Variants in ZNF268 observed in about 807,000 individuals in gnomAD.
ZNF268 encodes zinc finger protein 268, also known as zinc finger protein 3.
ZNF268 carries 20 observed loss-of-function variants against 29.3 expected under a neutral mutation model. That is an observed-to-expected ratio of 0.68 (90% CI 0.48 to 0.99). The LOEUF (loss-of-function observed/expected upper bound fraction) is 0.99. Among genes scored for constraint, ZNF268 ranks in the 50% least tolerant of loss-of-function variants. ZNF268 has a pLI of 0.00. For missense variants in ZNF268, 1,240 were observed against 1,121.6 expected (o/e 1.11, Z -1.51); for synonymous variants, 429 against 376.9 (o/e 1.14, Z -1.60).
chr12:133,192,342 A>C (rs1235513324), intron 5 of ZNF268, among the ~76,000 whole-genome samples: 1 of 151,998 alleles, frequency 6.6e-6, no homozygotes, highest in Non-Finnish European at 1.5e-5. Context: ...TCCTGACCTC[A>C]GGTGATCCGC....
chr12:133,205,172 AACC>A lies in ZNF268; in HGVS notation c.*644_*646del, dbSNP rs1393626418. The A allele has an allele frequency of 3.8e-4, 51 of 133,578 alleles. 2 individuals are homozygous for A. The highest frequency in any genetic ancestry group is 3.3e-3 in the Middle Eastern group (1 of 304). The allele number at this position is 133,578 out of a possible 1,614,324, so 8.3% of individuals were successfully genotyped here. A position where few individuals can be genotyped will look rare whatever the true frequency, so the allele number is the denominator to read the frequency against. On this transcript the variant is annotated 3_prime_UTR_variant, in exon 6 of 6. Coordinates refer to ENST00000536435, the MANE Select transcript of ZNF268 (RefSeq NM_003415.3). ...AAAAAAAAAAAAAAAAAAAAAAAAA[AACC>A]AACCTGTTATTATATCTTAATATTA...
intron 5 of ZNF268, chr12:133,193,676 A>G: frequency 2.2e-6 from 1 of 447,300 alleles, no homozygotes; most frequent in Non-Finnish European, 4.0e-6. Flanking sequence ...AAGTTTCAAC[A>G]TGAGTTTTAG....
Position 133,205,174 on chromosome 12 carries a change from C to CAA in ZNF268, c.*644_*645insAA, listed in dbSNP as rs1491216644. The CAA allele has an allele frequency of 4.1e-4, 15 of 36,242 alleles. 1 individual carries two copies. Among genetic ancestry groups the CAA allele is most frequent in the Non-Finnish European group, 6.2e-4 (9 of 14,574 alleles). The allele number at this position is 36,242 out of a possible 1,614,324, so 2.2% of individuals were successfully genotyped here. A position where few individuals can be genotyped will look rare whatever the true frequency, so the allele number is the denominator to read the frequency against. The stretch of plus-strand genomic sequence containing the variant: ...AAAAAAAAAAAAAAAAAAAAAAAAA[C>CAA]CAACCTGTTATTATATCTTAATATT... On this transcript the variant is annotated 3_prime_UTR_variant, in exon 6 of 6. Transcript: ENST00000536435.
At chr12:133,199,858 A>G (rs1956707703) in intron 5 of ZNF268, among the ~76,000 whole-genome samples, 1 of 152,088 alleles carries the variant, frequency 6.6e-6, no homozygotes, top group African/African-American at 2.4e-5. Context: ...GGTAGTTTGT[A>G]TTTCTGTGGG....
chr12:133,210,369 G>A lies in ZNF268; in HGVS notation c.*5839G>A, dbSNP rs1168668876. On this transcript the variant is annotated 3_prime_UTR_variant, in exon 6 of 6. Transcript: ENST00000536435. ...GCATCCCCCACCACGGGTCAGTCCT[G>A]AGGAGGATACTCTGGTCATCACTGT... is the stretch of plus-strand genomic sequence containing the variant. 8.4e-5 allele frequency: 15 copies of A among 178,438 alleles called. No individual in the cohort carries two copies. The allele number at this position is 178,438 out of a possible 1,614,324, so 11.1% of individuals were successfully genotyped here. A position where few individuals can be genotyped will look rare whatever the true frequency, so the allele number is the denominator to read the frequency against.
At position 133,203,407 on chromosome 12, in the gene ZNF268, AC is replaced by A. The variant is rs758354570; in HGVS notation, c.1723del (p.Gln575ArgfsTer21). On this transcript the variant is annotated frameshift_variant, in exon 6 of 6. Transcript: ENST00000536435. LOFTEE classifies it low-confidence loss of function (END_TRUNC). ...AFSRKYQLIS[H>X]QRTHAGEKPY... The stretch of plus-strand genomic sequence containing the variant: ...AGTCGGAAATACCAGCTTATTTCAC[AC>A]CAGAGAACTCATGCAGGAGAGAAGC... The A allele has an allele frequency of 3.2e-6, 5 of 1,545,338 alleles. No homozygotes were observed. Among genetic ancestry groups the A allele is most frequent in the Non-Finnish European group, 4.3e-6 (5 of 1,149,948 alleles).
chr12:133,192,303 T>C (rs1956496388), intron 5 of ZNF268, among the ~76,000 whole-genome samples: 1 of 152,044 alleles, frequency 6.6e-6, no homozygotes, highest in Non-Finnish European at 1.5e-5. Flanking sequence ...AGATGGGGTT[T>C]TGCCGTGTTG....
Position 133,210,732 on chromosome 12 carries a change from G to A in ZNF268, c.*6202G>A, listed in dbSNP as rs751750768. On this transcript the variant is annotated 3_prime_UTR_variant, in exon 6 of 6. Transcript: ENST00000536435. ...AGGGTCCCCAGGTCAGTCCTGAGGA[G>A]AAGGCAGCTCAGTCTTTACTGTGAT... 9.3e-6 allele frequency: 4 copies of A among 430,964 alleles called. No individual in the cohort carries two copies. Among genetic ancestry groups the A allele is most frequent in the South Asian group, 6.5e-5 (4 of 61,434 alleles). The allele number at this position is 430,964 out of a possible 1,614,324, so 26.7% of individuals were successfully genotyped here.
Position 133,203,491 on chromosome 12 carries a change from A to G in ZNF268, c.1805A>G (p.His602Arg). The change falls in exon 6 of 6, where the codon CAC becomes CGC. Residue 602 changes from histidine to arginine, a missense_variant. Around this residue, in one of 3 missense-constraint regions of ZNF268, gnomAD observed 1,177 missense variants for 1,039.6 expected, o/e 1.13. Transcript: ENST00000536435. Reference sequence around the variant, plus strand: ...GGTTTAAAGTCACAGCTTATTATACACCAGAGAACTCATACAGGGGAGAAA... The same window carrying G: ...GGTTTAAAGTCACAGCTTATTATACGCCAGAGAACTCATACAGGGGAGAAA... The part of the protein sequence containing the change: ...AFGLKSQLII[H>R]QRTHTGEKPF... 1 of 1,543,456 alleles carries G rather than the reference A, an allele frequency of 6.5e-7. No individual in the cohort carries two copies. The highest frequency in any genetic ancestry group is 2.0e-5 in the Admixed American group (1 of 51,088).
chr12:133,193,650 C>T, intron 5 of ZNF268: 2 of 455,820 alleles, frequency 4.4e-6, no homozygotes, highest in Non-Finnish European at 7.9e-6. Context: ...CTCTTAATAC[C>T]ACCACAATGG....
Position 133,210,789 on chromosome 12 carries a change from G to C in ZNF268, c.*6259G>C, listed in dbSNP as rs2135536357. The C allele has an allele frequency of 2.2e-6, 1 of 455,294 alleles. No homozygotes were observed. The highest frequency in any genetic ancestry group is 4.4e-6 in the Non-Finnish European group (1 of 226,212). The allele number at this position is 455,294 out of a possible 1,614,324, so 28.2% of individuals were successfully genotyped here. A position where few individuals can be genotyped will look rare whatever the true frequency, so the allele number is the denominator to read the frequency against. ...TCTAGTGATCCCCAGGTCCTGAGTA[G>C]AAGGAAGGCCTGGTCCTCTGTGGAT... On this transcript the variant is annotated 3_prime_UTR_variant, in exon 6 of 6. Coordinates refer to ENST00000536435, the MANE Select transcript of ZNF268 (RefSeq NM_003415.3).
At position 133,211,586 on chromosome 12, in the gene ZNF268, CAA is replaced by C. The variant is rs369341864; in HGVS notation, c.*7069_*7070del. 4.1e-4 allele frequency: 48 copies of C among 116,946 alleles called. No homozygotes were observed. Among genetic ancestry groups the C allele is most frequent in the South Asian group, 8.3e-4 (3 of 3,610 alleles). The allele number at this position is 116,946 out of a possible 1,614,324, so 7.2% of individuals were successfully genotyped here. Reference sequence around the variant, plus strand: ...GGGCAACAAGAGTGAAACTCCGTCTCAAAAAAAAAAAAAAGAAGATATACAGA... The same window carrying C: ...GGGCAACAAGAGTGAAACTCCGTCTCAAAAAAAAAAAAGAAGATATACAGA... On this transcript the variant is annotated 3_prime_UTR_variant, in exon 6 of 6. Coordinates refer to ENST00000536435, the MANE Select transcript of ZNF268 (RefSeq NM_003415.3).
rs36127550 is a variant in ZNF268, at chr12:133,203,723, G to T, written c.2037G>T (p.Leu679Phe). Residue 679 changes from leucine to phenylalanine, a missense_variant, in exon 6 of 6, where the codon TTG becomes TTT. Around this residue, in one of 3 missense-constraint regions of ZNF268, gnomAD observed 1,177 missense variants for 1,039.6 expected, o/e 1.13. Transcript: ENST00000536435. ...GCSQCAKTFSLKSQLIVHQRS... is the reference protein window; with the variant it reads ...GCSQCAKTFSFKSQLIVHQRS... ...GTCAATGTGCAAAAACCTTTAGTTT[G>T]AAGTCCCAGCTCATTGTACATCAGA... The T allele has an allele frequency of 0.17, 265,590 of 1,548,950 alleles. 23,747 individuals are homozygous for T. The highest frequency in any genetic ancestry group is 0.22 in the Admixed American group (11,352 of 51,608).
intron 5 of ZNF268, 85 bp downstream of exon 5, chr12:133,192,088 C>T (rs542076749): frequency 8.7e-5 from 101 of 1,156,578 alleles, no homozygotes; most frequent in Middle Eastern, 6.2e-4. Flanking sequence ...TTGTACTTTG[C>T]CTCGTGTATT....
chr12:133,187,393 C>T (rs540155420), intron 2 of ZNF268, among the ~76,000 whole-genome samples: 9 of 151,912 alleles, frequency 5.9e-5, no homozygotes, highest in African/African-American at 1.9e-4. Context: ...TTCAAAGTTT[C>T]GTTTTTCTGA....
chr12:133,187,967 A>T lies in ZNF268; in HGVS notation c.129A>T (p.Gln43His), dbSNP rs368431643. Reference protein sequence around the residue: ...SILGQGTPGLQPLPGTPRQKQ... With the variant: ...SILGQGTPGLHPLPGTPRQKQ... ...TGGGCCAAGGGACTCCTGGTCTGCAACCTCTCCCTGGAACACCCAGGCAGA... is the reference window on the plus strand; with the variant it reads ...TGGGCCAAGGGACTCCTGGTCTGCATCCTCTCCCTGGAACACCCAGGCAGA... The change falls in exon 3 of 6, where the codon CAA becomes CAT. Residue 43 changes from glutamine to histidine, a missense_variant. By Grantham distance (24) the Gln-to-His change is conservative (BLOSUM62 0). Coordinates refer to ENST00000536435, the MANE Select transcript of ZNF268 (RefSeq NM_003415.3). 1 of 1,599,394 alleles carries T rather than the reference A, an allele frequency of 6.3e-7. No homozygotes were observed. Among genetic ancestry groups the T allele is most frequent in the South Asian group, 1.1e-5 (1 of 88,226 alleles).
At chr12:133,183,661 G>T (rs1956232188) in intron 2 of ZNF268, among the ~76,000 whole-genome samples, 1 of 152,186 alleles carries the variant, frequency 6.6e-6, no homozygotes. Context: ...AGGGAAGACT[G>T]TCAGAATTGT....
At chr12:133,192,350 C>T (rs912557203) in intron 5 of ZNF268, among the ~76,000 whole-genome samples, 7 of 152,012 alleles carry the variant, frequency 4.6e-5, no homozygotes, top group East Asian at 1.9e-4. Flanking sequence ...TCAGGTGATC[C>T]GCCTGCCTTA....
chr12:133,188,757 T>G (rs1285737254), intron 3 of ZNF268, among the ~76,000 whole-genome samples: 1 of 152,218 alleles, frequency 6.6e-6, no homozygotes, highest in Non-Finnish European at 1.5e-5. Context: ...ATTCAGTGAT[T>G]CATGCACATT....
Sources: gnomAD v4.1 joint callset for allele counts (sites outside exome capture counted in the v4.1 genomes callset) on GRCh38, gnomAD v4.1.1 for gene constraint, gnomAD v4.1.1 regional missense constraint, MANE v1.5 for transcripts, NCBI Gene and HGNC (gene_info 2026-07-23, HGNC 2026-07-21) for gene names.